Variants in AIRE observed in about 807,000 individuals in gnomAD.
The protein encoded by AIRE is autoimmune polyendocrinopathy candidiasis ectodermal dystrophy protein.
In AIRE, 52 loss-of-function variants were observed where a neutral mutation model predicts 62.1. The ratio of observed to expected loss-of-function variants is 0.84; its 90% CI spans 0.67 to 1.06. AIRE has a LOEUF of 1.06. Among genes scored for constraint, AIRE ranks in the 50% least tolerant of loss-of-function variants. AIRE has a pLI of 0.00. For missense variants in AIRE, 774 were observed against 755.8 expected (o/e 1.02, Z -0.28); for synonymous variants, 342 against 321.6 (o/e 1.06, Z -0.68).
Position 44,294,406 on chromosome 21 carries a change from G to A in AIRE, c.1406G>A (p.Gly469Asp), listed in dbSNP as rs1171160847. 1 of 1,571,944 alleles carries A rather than the reference G, an allele frequency of 6.4e-7. No individual in the cohort carries two copies. The highest frequency in any genetic ancestry group is 2.3e-5 in the East Asian group (1 of 43,584). Reference protein sequence around the residue: ...FPAGTSRPGTGLRCRSCSGDV... With the variant: ...FPAGTSRPGTDLRCRSCSGDV... ...CCCCTCATCCTCTGCTGCAGGACGG[G>A]CCTGCGCTGCAGATCCTGCTCAGGA... is the stretch of plus-strand genomic sequence containing the variant. The change falls in exon 12 of 14, where the codon GGC (glycine) becomes GAC (aspartate). Residue 469 changes from glycine to aspartate, a missense_variant. Coordinates refer to ENST00000291582, the MANE Select transcript of AIRE (RefSeq NM_000383.4).
chr21:44,289,322 C>T, intron 5 of AIRE: 2 of 351,792 alleles, frequency 5.7e-6, no homozygotes, highest in Non-Finnish European at 5.2e-6. Flanking sequence ...CAGCTGTCTC[C>T]CACGTGTCCT....
chr21:44,296,096 G>A (rs1601971902), intron 12 of AIRE, among the ~76,000 whole-genome samples: 1 of 152,268 alleles, frequency 6.6e-6, no homozygotes, highest in African/African-American at 2.4e-5. Flanking sequence ...TCTCAGAGTG[G>A]GACTCCTTGC....
rs1164292475 is a variant in AIRE, at chr21:44,297,632, T to C, written c.1567-24T>C. 2 of 1,599,186 alleles carry C rather than the reference T, an allele frequency of 1.3e-6. No homozygotes were observed. Among genetic ancestry groups the C allele is most frequent in the Non-Finnish European group, 1.7e-6 (2 of 1,169,264 alleles). ...CTGCGGCGGGGGCGCACCTGGAGGT[T>C]CTCACCGTCACTCTGTCCCGCAGCA... On this transcript the variant is annotated intron_variant, in intron 13 of 13. Coordinates refer to ENST00000291582, the MANE Select transcript of AIRE (RefSeq NM_000383.4). The surrounding 1 kb of genome is among the most constrained non-coding windows in gnomAD (Gnocchi z 4.8).
Position 44,291,592 on chromosome 21 carries a change from G to A in AIRE, c.995+382G>A, listed in dbSNP as rs548236834. Among the ~76,000 whole-genome samples, 11 of 146,900 alleles carry A rather than the reference G, an allele frequency of 7.5e-5. 1 individual carries two copies. Among genetic ancestry groups the A allele is most frequent in the Middle Eastern group, 3.4e-3 (1 of 290 alleles). ...AGGGCTGGGGAGCACAGAGGCCACAGAGCTGTGCCCCCCAGGGCAGGTGGG... is the reference window on the plus strand; with the variant it reads ...AGGGCTGGGGAGCACAGAGGCCACAAAGCTGTGCCCCCCAGGGCAGGTGGG... On this transcript the variant is annotated intron_variant, in intron 8 of 13. Transcript: ENST00000291582.
At chr21:44,296,025 C>G (rs1448750436) in intron 12 of AIRE, among the ~76,000 whole-genome samples, 1 of 152,168 alleles carries the variant, frequency 6.6e-6, no homozygotes, top group Non-Finnish European at 1.5e-5. Flanking sequence ...CCTGGTGGTG[C>G]TTGTCGGGGG....
At chr21:44,289,383 T>G in intron 5 of AIRE, 1 of 514,922 alleles carries the variant, frequency 1.9e-6, no homozygotes. Flanking sequence ...GACCTCATCT[T>G]AACTAATCAC....
intron 10 of AIRE, 26 bp downstream of exon 10, chr21:44,293,201 G>A (rs773793478): frequency 1.3e-5 from 20 of 1,529,948 alleles, no homozygotes; most frequent in Non-Finnish European, 1.7e-5. Flanking sequence ...GGGTCAGGGT[G>A]GGCTCTTCAA....
rs1390669865 is a variant in AIRE, at chr21:44,297,470, A to G, written c.1567-186A>G. Among the ~76,000 whole-genome samples the G allele has an allele frequency of 6.6e-6, 1 of 152,064 alleles. No homozygotes were observed. The highest frequency in any genetic ancestry group is 1.5e-5 in the Non-Finnish European group (1 of 67,990). On this transcript the variant is annotated intron_variant, in intron 13 of 13. Coordinates refer to ENST00000291582, the MANE Select transcript of AIRE (RefSeq NM_000383.4). This position sits in a 1 kb window ranked among gnomAD's most constrained non-coding sequence, Gnocchi z 4.8. ...GCCTCAGTTTCCCCACCTTTGATGG[A>G]ATACGGTGAAGTGCACAGGACAGGG...
Position 44,287,449 on chromosome 21 carries a change from G to A in AIRE, c.464-68G>A, listed in dbSNP as rs1413349749. On this transcript the variant is annotated intron_variant, in intron 3 of 13. Coordinates refer to ENST00000291582, the MANE Select transcript of AIRE (RefSeq NM_000383.4). The surrounding 1 kb of genome is among the most constrained non-coding windows in gnomAD (Gnocchi z 4.3). ...CCCCCTCCACGCCCTCCCACCGCGGGCCCCTGCCCACCGGCACTCACCCCC... is the reference window on the plus strand; with the variant it reads ...CCCCCTCCACGCCCTCCCACCGCGGACCCCTGCCCACCGGCACTCACCCCC... 1 of 1,160,180 alleles carries A rather than the reference G, an allele frequency of 8.6e-7. No homozygotes were observed. The highest frequency in any genetic ancestry group is 1.5e-5 in the African/African-American group (1 of 65,330). 71.9% of individuals were successfully genotyped at this position (1,160,180 alleles called of 1,614,324 possible).
rs138061336 is a variant in AIRE, at chr21:44,295,346, C to T, written c.1503+843C>T. On this transcript the variant is annotated intron_variant, in intron 12 of 13. Transcript: ENST00000291582. ...TCCCCGGGCAGGTGACAGGCTTCCC[C>T]GGCATGCAGGCTCTGGCCTGGCATG... Among the ~76,000 whole-genome samples the T allele has an allele frequency of 6.9e-3, 1,048 of 152,324 alleles. 14 individuals are homozygous for T. The highest frequency in any genetic ancestry group is 0.023 in the African/African-American group (968 of 41,558).
Position 44,293,804 on chromosome 21 carries a change from G to T in AIRE, c.1294G>T (p.Ala432Ser), listed in dbSNP as rs1296392334. The T allele has an allele frequency of 1.2e-5, 19 of 1,596,524 alleles. No homozygotes were observed. Among genetic ancestry groups the T allele is most frequent in the Non-Finnish European group, 1.6e-5 (19 of 1,179,508 alleles). ...CCTCCCACAGAACCTGGCTCCTGGT[G>T]CGCGTTGCGGGGTGTGCGGAGATGG... is the stretch of plus-strand genomic sequence containing the variant. ...PEGQQNLAPGARCGVCGDGTD... is the reference protein window; with the variant it reads ...PEGQQNLAPGSRCGVCGDGTD... The change falls in exon 11 of 14, where the codon GCG (alanine) becomes TCG (serine). Residue 432 changes from alanine (A) to serine (S), a missense_variant. Ala to Ser is a moderately conservative substitution (Grantham distance 99). Transcript: ENST00000291582.
chr21:44,289,475 C>A, intron 5 of AIRE, 182 bp from the exon 6 acceptor site: 2 of 736,296 alleles, frequency 2.7e-6, no homozygotes, highest in Non-Finnish European at 4.4e-6. Flanking sequence ...CTGTTGAACA[C>A]CCTGGTGTAG....
Position 44,291,075 on chromosome 21 carries a change from G to A in AIRE, c.880-20G>A, listed in dbSNP as rs749193829. On this transcript the variant is annotated intron_variant, in intron 7 of 13. Coordinates refer to ENST00000291582, the MANE Select transcript of AIRE (RefSeq NM_000383.4). Reference sequence around the variant, plus strand: ...CTGCACCCCAGCCCAGTCTGCATGGGCGTCTCTTGCCTGTGCCAGAAGAAT... The same window carrying A: ...CTGCACCCCAGCCCAGTCTGCATGGACGTCTCTTGCCTGTGCCAGAAGAAT... 2 of 1,613,304 alleles carry A rather than the reference G, an allele frequency of 1.2e-6. No homozygotes were observed. The highest frequency in any genetic ancestry group is 8.5e-7 in the Non-Finnish European group (1 of 1,179,850).
In AIRE at chr21:44,287,492, G is replaced by C. The variant is rs2040494645; in HGVS notation, c.464-25G>C. ...TCACCCCCACTGAGAGGGGAGGCCA[G>C]GCTGCCCCCAGCTCCCCCATTCAGG... On this transcript the variant is annotated intron_variant, in intron 3 of 13. Coordinates refer to ENST00000291582, the MANE Select transcript of AIRE (RefSeq NM_000383.4). The surrounding 1 kb of genome is among the most constrained non-coding windows in gnomAD (Gnocchi z 4.3). 6.5e-7 allele frequency: 1 copy of C among 1,542,094 alleles called. No individual in the cohort carries two copies. The highest frequency in any genetic ancestry group is 1.4e-5 in the African/African-American group (1 of 72,880).
chr21:44,294,992 G>A (rs2040591019), intron 12 of AIRE, among the ~76,000 whole-genome samples: 1 of 152,216 alleles, frequency 6.6e-6, no homozygotes, highest in South Asian at 2.1e-4. Flanking sequence ...CTGCTCCGGG[G>A]TCAGAGAGGA....
intron 5 of AIRE, 146 bp from the exon 6 acceptor site, chr21:44,289,511 A>G (rs765710320): frequency 1.2e-5 from 14 of 1,129,240 alleles, no homozygotes; most frequent in Non-Finnish European, 1.8e-5. Flanking sequence ...CGGGCCCCAG[A>G]CTCGACTGGG....
intron 13 of AIRE, among the ~76,000 whole-genome samples, chr21:44,296,983 AC>A (rs2040616255): frequency 1.3e-5 from 2 of 152,200 alleles, no homozygotes; most frequent in African/African-American, 4.8e-5. Context: ...TTCAGCCTCC[AC>A]GGGTTCTCCT....
intron 10 of AIRE, among the ~76,000 whole-genome samples, chr21:44,293,416 G>C (rs541693071): frequency 6.6e-6 from 1 of 152,162 alleles, no homozygotes; most frequent in South Asian, 2.1e-4. Flanking sequence ...CAATGAAGGG[G>C]GGGATGTCCC....
chr21:44,292,731 A>G (rs556322158), intron 9 of AIRE, among the ~76,000 whole-genome samples: 29 of 152,224 alleles, frequency 1.9e-4, no homozygotes, highest in Admixed American at 3.3e-4. Flanking sequence ...GCACAGACCC[A>G]GTGTTCCCTC....
Sources: gnomAD v4.1 joint callset for allele counts (sites outside exome capture counted in the v4.1 genomes callset) on GRCh38, gnomAD v4.1.1 for gene constraint, Gnocchi (gnomAD v3.1) non-coding constraint, MANE v1.5 for transcripts, NCBI Gene and HGNC (gene_info 2026-07-23, HGNC 2026-07-21) for gene names.